Variants in RBFOX1 observed in about 807,000 individuals in gnomAD.
The protein encoded by RBFOX1 is RNA binding protein fox-1 homolog 1.
RBFOX1 carries 8 observed loss-of-function variants against 57.7 expected under a neutral mutation model. That is an observed-to-expected ratio of 0.14 (90% confidence interval 0.08 to 0.25). The LOEUF (loss-of-function observed/expected upper bound fraction) is 0.25, where lower values mean the gene tolerates loss of function less well. RBFOX1 is among the 10% of genes least tolerant of loss of function. The pLI is 1.00. For synonymous variants in RBFOX1, 326 were observed against 222.4 expected, an observed-to-expected ratio of 1.47 and a Z score of -4.15; for missense variants, 611 against 548.5, an observed-to-expected ratio of 1.11 and a Z score of -1.14.
At position 6,459,956 on chromosome 16, in the gene RBFOX1, C is replaced by G. The variant is rs536215143; in HGVS notation, c.-64+142899C>G. Among the ~76,000 whole-genome samples, 11 of 111,524 alleles carry G rather than the reference C, an allele frequency of 9.9e-5. No homozygotes were observed. The South Asian group carries it at 3.3e-3, about 34-fold the overall frequency. 73.2% of individuals were successfully genotyped at this position (111,524 alleles called of 152,430 possible). On this transcript the variant is annotated intron_variant, in intron 2 of 15. Transcript: ENST00000550418. ...CTGAGATAGTGCCATTGCACTCCAG[C>G]CCGGGCAACAAGAGTGAAACTCCAT...
intron 5 of RBFOX1, among the ~76,000 whole-genome samples, chr16:7,544,505 A>G (rs1911492): frequency 0.87 from 132,714 of 152,148 alleles, 58,218 homozygotes; most frequent in South Asian, 0.95. Flanking sequence ...AACCATGTCA[A>G]GACGCACAAA....
At chr16:5,743,226 G>T (rs1479470221) in intron 3 of RBFOX1, among the ~76,000 whole-genome samples, 1 of 152,184 alleles carries the variant, frequency 6.6e-6, no homozygotes, top group Non-Finnish European at 1.5e-5. Context: ...ATAGAAGGCA[G>T]AACACTACTC....
intron 3 of RBFOX1, among the ~76,000 whole-genome samples, chr16:6,979,212 G>A (rs1259927386): frequency 6.6e-6 from 1 of 152,134 alleles, no homozygotes; most frequent in African/African-American, 2.4e-5. Context: ...CCAAGTCTCA[G>A]TTTTCCCACC....
chr16:5,923,790 C>T (rs1207485906), intron 4 of RBFOX1, among the ~76,000 whole-genome samples: 1 of 152,038 alleles, frequency 6.6e-6, no homozygotes, highest in Non-Finnish European at 1.5e-5. Context: ...ATGTGCCTAC[C>T]TCAGCCTCCC....
intron 1 of RBFOX1, among the ~76,000 whole-genome samples, chr16:5,432,854 C>G (rs936142084): frequency 6.6e-6 from 1 of 151,972 alleles, no homozygotes; most frequent in East Asian, 1.9e-4. Flanking sequence ...GGCGCAATCT[C>G]GGTTCACTGC....
chr16:5,241,354 A>G (rs2062162471), intron 1 of RBFOX1, among the ~76,000 whole-genome samples: 1 of 150,170 alleles, frequency 6.7e-6, no homozygotes. Context: ...GATCACGGAA[A>G]GGATGAGACA....
At chr16:7,587,387 C>G in intron 7 of RBFOX1, 87 bp downstream of exon 7, 1 of 1,285,650 alleles carries the variant, frequency 7.8e-7, no homozygotes, top group East Asian at 2.7e-5. Flanking sequence ...CTGTCTTAAT[C>G]AGCTCATTGT....
chr16:5,706,813 G>T (rs2051265361), intron 3 of RBFOX1, among the ~76,000 whole-genome samples: 1 of 152,020 alleles, frequency 6.6e-6, no homozygotes, highest in Admixed American at 6.5e-5. Flanking sequence ...AGAGTGGGGA[G>T]GAATCACTGG....
intron 1 of RBFOX1, among the ~76,000 whole-genome samples, chr16:6,159,649 C>T (rs1232586685): frequency 6.6e-6 from 1 of 152,172 alleles, no homozygotes; most frequent in Non-Finnish European, 1.5e-5. Flanking sequence ...ACGTCTCAGA[C>T]AGATGAGGAA....
At chr16:6,507,756 G>A (rs74658472) in intron 2 of RBFOX1, among the ~76,000 whole-genome samples, 7 of 152,080 alleles carry the variant, frequency 4.6e-5, no homozygotes, top group Non-Finnish European at 1.0e-4. Context: ...CTTATATAAA[G>A]TATCTAAAGT....
At chr16:7,031,599 T>TG (rs1555790901) in intron 3 of RBFOX1, among the ~76,000 whole-genome samples, 3 of 145,290 alleles carry the variant, frequency 2.1e-5, no homozygotes, top group African/African-American at 7.6e-5. Context: ...AGACCCTGCC[T>TG]AAAAAAAAAA....
At chr16:7,265,907 C>A (rs1000410409) in intron 4 of RBFOX1, among the ~76,000 whole-genome samples, 1 of 148,850 alleles carries the variant, frequency 6.7e-6, no homozygotes, top group Non-Finnish European at 1.5e-5. Context: ...ATGGGTTCTT[C>A]CTTGCTTGGT....
chr16:6,260,268 C>T (rs920689171), intron 1 of RBFOX1, among the ~76,000 whole-genome samples: 2 of 152,252 alleles, frequency 1.3e-5, no homozygotes, highest in African/African-American at 4.8e-5. Flanking sequence ...CATTGCTGGG[C>T]AGAGATGACT....
chr16:7,240,293 T>C (rs1163207029), intron 4 of RBFOX1, among the ~76,000 whole-genome samples: 1 of 152,130 alleles, frequency 6.6e-6, no homozygotes, highest in African/African-American at 2.4e-5. Context: ...AGGATAATAA[T>C]AATGAATGTT....
At chr16:7,254,516 A>G (rs955896894) in intron 4 of RBFOX1, among the ~76,000 whole-genome samples, 4 of 151,386 alleles carry the variant, frequency 2.6e-5, no homozygotes, top group Admixed American at 2.0e-4. Context: ...TTATCAATAT[A>G]TGCCCATTTT....
At chr16:6,925,798 T>C (rs147070068) in intron 3 of RBFOX1, among the ~76,000 whole-genome samples, 3 of 152,050 alleles carry the variant, frequency 2.0e-5, no homozygotes, top group East Asian at 1.9e-4. Flanking sequence ...GAAATAGGAA[T>C]AAAATAAGCC....
chr16:7,541,780 A>G (rs763402678), intron 5 of RBFOX1, among the ~76,000 whole-genome samples: 1 of 152,078 alleles, frequency 6.6e-6, no homozygotes, highest in Non-Finnish European at 1.5e-5. Context: ...ATGTTTTTTG[A>G]GTCTCTGTTT....
intron 4 of RBFOX1, among the ~76,000 whole-genome samples, chr16:7,290,620 A>C (rs540230245): frequency 6.6e-6 from 1 of 152,334 alleles, no homozygotes; most frequent in South Asian, 2.1e-4. Flanking sequence ...TTGCTCATTC[A>C]CTCAACTAAT....
At chr16:7,385,533 G>C (rs2097860756) in intron 4 of RBFOX1, among the ~76,000 whole-genome samples, 1 of 152,184 alleles carries the variant, frequency 6.6e-6, no homozygotes, top group Non-Finnish European at 1.5e-5. Context: ...AAGAGCAGGA[G>C]TGAGCTTGCA....
Sources: allele counts gnomAD v4.1 joint callset (sites outside exome capture counted in the v4.1 genomes callset), GRCh38; gene constraint gnomAD v4.1.1; transcripts MANE v1.5; gene names NCBI Gene and HGNC (gene_info 2026-07-23, HGNC 2026-07-21).